CFDP1: variants seen among roughly 807,000 people sequenced by gnomAD.
CFDP1 encodes chromatin remodeling protein CFDP1.
A neutral mutation model predicts 40.1 loss-of-function variants in CFDP1; 31 were observed. That is an observed-to-expected ratio of 0.77 (90% CI 0.58 to 1.04). The LOEUF (loss-of-function observed/expected upper bound fraction) is 1.04. Among genes scored for constraint, CFDP1 ranks in the 50% least tolerant of loss-of-function variants. The pLI is 0.00. For missense variants in CFDP1, 423 were observed against 343.4 expected, an observed-to-expected ratio of 1.23 and a Z score of -1.83; for synonymous variants, 167 against 120.0, an observed-to-expected ratio of 1.39 and a Z score of -2.56.
chr16:75,384,276 G>T (rs918427394), intron 5 of CFDP1, among the ~76,000 whole-genome samples: 1 of 152,124 alleles, frequency 6.6e-6, no homozygotes, highest in African/African-American at 2.4e-5. Context: ...AGAATTCCTT[G>T]AACCCAGGAG....
chr16:75,355,877 T>C (rs1302795999), intron 5 of CFDP1, among the ~76,000 whole-genome samples: 1 of 152,224 alleles, frequency 6.6e-6, no homozygotes, highest in Non-Finnish European at 1.5e-5. Context: ...CTCTTTTCTT[T>C]ACAAATTACC....
intron 6 of CFDP1, 94 bp downstream of exon 6, chr16:75,304,930 C>T: frequency 1.5e-6 from 2 of 1,302,994 alleles, no homozygotes; most frequent in Non-Finnish European, 2.1e-6. Context: ...ATGAAAAGCT[C>T]CTGCTTGCTT....
intron 5 of CFDP1, among the ~76,000 whole-genome samples, chr16:75,334,011 A>T (rs908930428): frequency 4.6e-5 from 7 of 152,160 alleles, no homozygotes; most frequent in Admixed American, 1.3e-4. Context: ...TCAGTGACTG[A>T]GACACAGAGA....
chr16:75,338,524 G>C lies in CFDP1; in HGVS notation c.651-33342C>G, dbSNP rs2078505619. 2.0e-5 allele frequency among the ~76,000 whole-genome samples: 3 copies of C among 152,210 alleles called. No individual in the cohort carries two copies. In the South Asian group the frequency reaches 6.2e-4, roughly 32 times the overall value. On this transcript the variant is annotated intron_variant, in intron 5 of 6. Coordinates refer to ENST00000283882, the MANE Select transcript of CFDP1 (RefSeq NM_006324.3). ...GGTGACAACTGCAATGGATATCAGA[G>C]CACAGTGTGAATGAGAACTTCTGGG...
At chr16:75,311,350 C>T (rs997182289) in intron 5 of CFDP1, among the ~76,000 whole-genome samples, 1 of 152,122 alleles carries the variant, frequency 6.6e-6, no homozygotes, top group Admixed American at 6.5e-5. Flanking sequence ...GCTATTTTGC[C>T]CAGGCTGGTC....
At chr16:75,411,745 G>T (rs190787579) in intron 4 of CFDP1, 80 bp downstream of exon 4, 2 of 1,332,564 alleles carry the variant, frequency 1.5e-6, no homozygotes, top group East Asian at 4.6e-5. Flanking sequence ...ATTGAAAAGA[G>T]GATAGATGGC....
chr16:75,386,674 G>A (rs1353769567), intron 5 of CFDP1, among the ~76,000 whole-genome samples: 2 of 152,122 alleles, frequency 1.3e-5, no homozygotes, highest in East Asian at 1.9e-4. Flanking sequence ...GCAGTGAGCC[G>A]AGATCCCGAC....
At chr16:75,416,056 T>A (rs1026053058) in intron 1 of CFDP1, among the ~76,000 whole-genome samples, 2 of 152,122 alleles carry the variant, frequency 1.3e-5, no homozygotes, top group Non-Finnish European at 2.9e-5. Context: ...TTTTATCATG[T>A]TGGCCAGGCT....
rs142639483 is a variant in CFDP1, at chr16:75,392,962, T to C, written c.650+2128A>G. 6.7e-3 allele frequency among the ~76,000 whole-genome samples: 1,027 copies of C among 152,318 alleles called. 6 individuals carry two copies. Among genetic ancestry groups the C allele is most frequent in the Non-Finnish European group, 0.01 (681 of 68,032 alleles). On this transcript the variant is annotated intron_variant, in intron 5 of 6. Coordinates refer to ENST00000283882, the MANE Select transcript of CFDP1 (RefSeq NM_006324.3). ...TTCTGCTCAGTGGGAGAGAAATATC[T>C]TGAGTATGAAGTAGATAAAGATGTA...
intron 1 of CFDP1, 79 bp downstream of exon 1, chr16:75,433,210 C>A (rs556657310): frequency 3.6e-6 from 5 of 1,400,034 alleles, no homozygotes; most frequent in Non-Finnish European, 3.9e-6. Flanking sequence ...ACAGGGCAGA[C>A]GCCCGCGGGG....
chr16:75,422,165 C>T lies in CFDP1; in HGVS notation c.65-7470G>A, dbSNP rs570946163. On this transcript the variant is annotated intron_variant, in intron 1 of 6. Transcript: ENST00000283882. ...AGGCTGGAGTGCAATGGTGCGATCT[C>T]GGCTCACCGCAACCTCTGCCTCCCG... is the stretch of plus-strand genomic sequence containing the variant. 3.9e-5 allele frequency among the ~76,000 whole-genome samples: 6 copies of T among 152,138 alleles called. No individual in the cohort carries two copies. The East Asian group carries it at 5.8e-4, about 15-fold the overall frequency.
At position 75,395,305 on chromosome 16, in the gene CFDP1, C is replaced by A. The variant is rs529976625; in HGVS notation, c.531-96G>T. ...AAAGACAACTAGAAAAAGATCCACT[C>A]GGCTTCCAATAAATTCTGGACGCTC... is the stretch of plus-strand genomic sequence containing the variant. On this transcript the variant is annotated intron_variant, in intron 4 of 6. Transcript: ENST00000283882. 18 of 1,287,938 alleles carry A rather than the reference C, an allele frequency of 1.4e-5. No homozygotes were observed. The Admixed American group carries it at 1.8e-4, about 13-fold the overall frequency. 79.8% of individuals were successfully genotyped at this position (1,287,938 alleles called of 1,614,324 possible).
At chr16:75,431,265 A>C (rs2079410765) in intron 1 of CFDP1, among the ~76,000 whole-genome samples, 1 of 151,896 alleles carries the variant, frequency 6.6e-6, no homozygotes, top group Non-Finnish European at 1.5e-5. Flanking sequence ...AAGCCTGGCC[A>C]ACATGGTGTA....
intron 5 of CFDP1, among the ~76,000 whole-genome samples, chr16:75,389,990 C>G (rs1043949505): frequency 6.6e-6 from 1 of 152,208 alleles, no homozygotes; most frequent in Non-Finnish European, 1.5e-5. Flanking sequence ...TAATTAAACA[C>G]GTACATTTTC....
At chr16:75,404,197 G>T (rs1304094393) in intron 4 of CFDP1, among the ~76,000 whole-genome samples, 2 of 151,300 alleles carry the variant, frequency 1.3e-5, no homozygotes, top group Non-Finnish European at 2.9e-5. Context: ...CCAAGGAAAA[G>T]GTTGCCTTAC....
At chr16:75,356,679 G>T (rs919700740) in intron 5 of CFDP1, among the ~76,000 whole-genome samples, 1 of 152,038 alleles carries the variant, frequency 6.6e-6, no homozygotes, top group African/African-American at 2.4e-5. Context: ...CTCCTTCCGA[G>T]CTAACTGAAG....
rs150127621 is a variant in CFDP1, at chr16:75,380,661, C to A, written c.650+14429G>T. Among the ~76,000 whole-genome samples the A allele has an allele frequency of 1.6e-4, 25 of 152,096 alleles. No individual in the cohort carries two copies. The East Asian group carries it at 4.6e-3, about 28-fold the overall frequency. On this transcript the variant is annotated intron_variant, in intron 5 of 6. Transcript: ENST00000283882. ...GAAAGGTCTCTTTTAAGAACCGGAACGAACCCTGGGCCTGCAACCCACATA... is the reference window on the plus strand; with the variant it reads ...GAAAGGTCTCTTTTAAGAACCGGAAAGAACCCTGGGCCTGCAACCCACATA...
intron 5 of CFDP1, among the ~76,000 whole-genome samples, chr16:75,305,994 T>A (rs1385306324): frequency 2.6e-5 from 4 of 152,230 alleles, no homozygotes; most frequent in African/African-American, 9.6e-5. Context: ...CCAGTCATTG[T>A]TAAACATATG....
chr16:75,421,469 A>G (rs1277571863), intron 1 of CFDP1, among the ~76,000 whole-genome samples: 1 of 152,228 alleles, frequency 6.6e-6, no homozygotes, highest in Non-Finnish European at 1.5e-5. Context: ...AAAAAAAGAT[A>G]GTAAGAATCA....
Sources: gnomAD v4.1 joint callset for allele counts (sites outside exome capture counted in the v4.1 genomes callset) on GRCh38, gnomAD v4.1.1 for gene constraint, MANE v1.5 for transcripts, NCBI Gene and HGNC (gene_info 2026-07-23, HGNC 2026-07-21) for gene names.